Variants in ACTR1A observed in about 807,000 individuals in gnomAD.
ACTR1A encodes the protein actin related protein 1A, also known as alpha-centractin.
Under a neutral mutation model 50.7 loss-of-function variants are expected in ACTR1A, and 10 were observed. The observed-to-expected ratio is 0.20, with a 90% confidence interval of 0.12 to 0.33. The LOEUF (loss-of-function observed/expected upper bound fraction) is 0.33, where lower values mean the gene tolerates loss of function less well. Ranked by LOEUF, ACTR1A falls within the 10% of genes least tolerant of loss-of-function variation. The pLI, the probability that ACTR1A is intolerant of heterozygous loss-of-function variation, is 1.00. For synonymous variants in ACTR1A, 177 were observed against 184.2 expected, an observed-to-expected ratio of 0.96 and a Z score of 0.32; for missense variants, 253 against 491.7, an observed-to-expected ratio of 0.51 and a Z score of 4.59.
chr10:102,499,071 A>G (rs143179387), intron 1 of ACTR1A, among the ~76,000 whole-genome samples: 7 of 152,200 alleles, frequency 4.6e-5, no homozygotes, highest in African/African-American at 1.4e-4. Flanking sequence ...CGTGGTCACA[A>G]TTGTCTTATG....
At chr10:102,493,372 G>C (rs2062205006) in intron 1 of ACTR1A, among the ~76,000 whole-genome samples, 1 of 152,190 alleles carries the variant, frequency 6.6e-6, no homozygotes, top group African/African-American at 2.4e-5. Flanking sequence ...CCCGGCAGAG[G>C]TTAAAAACAA....
At chr10:102,490,848 C>T (rs2062188595) in intron 1 of ACTR1A, among the ~76,000 whole-genome samples, 1 of 152,000 alleles carries the variant, frequency 6.6e-6, no homozygotes, top group Non-Finnish European at 1.5e-5. Context: ...CAACAATTAG[C>T]TGGGCATGTT....
At position 102,485,190 on chromosome 10, in the gene ACTR1A, C is replaced by T. The variant is rs139020911; in HGVS notation, c.440+419G>A. On this transcript the variant is annotated intron_variant, in intron 5 of 10. Coordinates refer to ENST00000369905, the MANE Select transcript of ACTR1A (RefSeq NM_005736.4). ...TGGGGTAGGAGTGTGACAGGAGCCA[C>T]GGGGGATGGGAACAAGGACTGTGGT... Among the ~76,000 whole-genome samples, 25 of 152,012 alleles carry T rather than the reference C, an allele frequency of 1.6e-4. 1 individual carries two copies. The highest frequency in any genetic ancestry group is 5.6e-4 in the African/African-American group (23 of 41,330).
In ACTR1A at chr10:102,482,959, CCA is replaced by C; in HGVS notation, c.750+50_750+51del. 6.9e-7 allele frequency: 1 copy of C among 1,452,506 alleles called. No individual in the cohort carries two copies. Among genetic ancestry groups the C allele is most frequent in the South Asian group, 1.1e-5 (1 of 87,746 alleles). 90.0% of individuals were successfully genotyped at this position (1,452,506 alleles called of 1,614,324 possible). ...CCCTGATGGAGAATTCTGGTTGGGC[CCA>C]GAGCTTTTGTGGACCTAAGGGGACC... is the stretch of plus-strand genomic sequence containing the variant. On this transcript the variant is annotated intron_variant, in intron 7 of 10. Transcript: ENST00000369905. The surrounding 1 kb of genome is among the most constrained non-coding windows in gnomAD (Gnocchi z 5.6).
At chr10:102,502,098 A>G (rs1304238811) in intron 1 of ACTR1A, among the ~76,000 whole-genome samples, 3 of 152,172 alleles carry the variant, frequency 2.0e-5, no homozygotes, top group Admixed American at 6.5e-5. Context: ...CCCACCACCC[A>G]GAGTCCCGGA....
At chr10:102,499,626 C>A (rs912610907) in intron 1 of ACTR1A, among the ~76,000 whole-genome samples, 1 of 152,230 alleles carries the variant, frequency 6.6e-6, no homozygotes, top group African/African-American at 2.4e-5. Flanking sequence ...TCCTGCCTAG[C>A]AATTCAAGAA....
chr10:102,481,826 C>T lies in ACTR1A; in HGVS notation c.987+11G>A. 6.2e-7 allele frequency: 1 copy of T among 1,612,234 alleles called. No individual in the cohort carries two copies. Among genetic ancestry groups the T allele is most frequent in the South Asian group, 1.1e-5 (1 of 91,002 alleles). On this transcript the variant is annotated intron_variant, in intron 9 of 10. Transcript: ENST00000369905. ...TAGTTCCACCCAGGCCAGGCCCCAC[C>T]ATGCTCCTACCCTGATCTTCACATC...
At chr10:102,493,069 GCAGC>G (rs1432327722) in intron 1 of ACTR1A, among the ~76,000 whole-genome samples, 3 of 151,110 alleles carry the variant, frequency 2.0e-5, no homozygotes, top group Non-Finnish European at 4.4e-5. Context: ...GGAGAGCAGG[GCAGC>G]CAGTTCTCTA....
rs1370250172 is a variant in ACTR1A at position 102,480,895 on chromosome 10, C to T, written c.1099G>A (p.Gly367Ser). ...GTTTTTCTGTGGATGGATCGGGCAC[C>T]GTCTTCCTCATATTCCTTTTTGGAG... The part of the protein sequence containing the change: ...WVSKKEYEED[G>S]ARSIHRKTF Residue 367 changes from glycine to serine, a missense_variant, in exon 11 of 11, where the codon GGT (glycine) becomes AGT (serine). Gly to Ser is a moderately conservative substitution (Grantham distance 56). Coordinates refer to ENST00000369905, the MANE Select transcript of ACTR1A (RefSeq NM_005736.4). 6.2e-6 allele frequency: 10 copies of T among 1,614,036 alleles called. No individual in the cohort carries two copies. The highest frequency in any genetic ancestry group is 1.7e-5 in the Admixed American group (1 of 60,028).
rs556946694 is a variant in ACTR1A at position 102,500,664 on chromosome 10, T to G, written c.48+1936A>C. ...ATCCCAGCTACTTGGGAGTCTAGGCTGGAGAATCTCTTGAACCTGGAGGCG... is the reference window on the plus strand; with the variant it reads ...ATCCCAGCTACTTGGGAGTCTAGGCGGGAGAATCTCTTGAACCTGGAGGCG... On this transcript the variant is annotated intron_variant, in intron 1 of 10. Transcript: ENST00000369905. Among the ~76,000 whole-genome samples, 317 of 151,780 alleles carry G rather than the reference T, an allele frequency of 2.1e-3. 1 individual carries two copies. Among genetic ancestry groups the G allele is most frequent in the Non-Finnish European group, 3.4e-3 (232 of 67,934 alleles).
At position 102,484,249 on chromosome 10, in the gene ACTR1A, C is replaced by T. The variant is rs749276005; in HGVS notation, c.568G>A (p.Val190Ile). ...IMRIDIAGRDVSRFLRLYLRK... is the reference protein window; with the variant it reads ...IMRIDIAGRDISRFLRLYLRK... ...AGGTAGAGGCGCAGGAAGCGAGAGA[C>T]GTCCCGGCCCGCGATGTCGATGCGC... is the stretch of plus-strand genomic sequence containing the variant. The change falls in exon 6 of 11, where the codon GTC (valine) becomes ATC (isoleucine). Residue 190 changes from valine (V) to isoleucine (I), a missense_variant. Val to Ile is a conservative substitution (Grantham distance 29). This residue lies in a region of ACTR1A where 116 missense variants were observed against 155.9 expected (regional missense o/e 0.74). Coordinates refer to ENST00000369905, the MANE Select transcript of ACTR1A (RefSeq NM_005736.4). The T allele has an allele frequency of 3.1e-6, 5 of 1,614,082 alleles. No individual in the cohort carries two copies. The highest frequency in any genetic ancestry group is 2.7e-5 in the African/African-American group (2 of 74,916).
intron 1 of ACTR1A, 80 bp downstream of exon 1, chr10:102,502,520 G>GC (rs2062263589): frequency 6.6e-7 from 1 of 1,514,076 alleles, no homozygotes; most frequent in Non-Finnish European, 9.2e-7. Flanking sequence ...AGAGCCGGCG[G>GC]CTCAGGCTGA....
At position 102,501,134 on chromosome 10, in the gene ACTR1A, G is replaced by T. The variant is rs572824441; in HGVS notation, c.48+1466C>A. On this transcript the variant is annotated intron_variant, in intron 1 of 10. Transcript: ENST00000369905. The stretch of plus-strand genomic sequence containing the variant: ...GAGCTCAATCCTGCCCCTTTCTAAG[G>T]GGGAATAATAAAAACAAAATACCCA... 5.3e-5 allele frequency among the ~76,000 whole-genome samples: 8 copies of T among 151,566 alleles called. 1 individual carries two copies. The highest frequency in any genetic ancestry group is 1.9e-4 in the African/African-American group (8 of 41,342).
intron 4 of ACTR1A, among the ~76,000 whole-genome samples, chr10:102,487,379 A>G (rs940664390): frequency 1.6e-4 from 25 of 151,978 alleles, no homozygotes; most frequent in Non-Finnish European, 3.2e-4. Flanking sequence ...ACGCCATTGC[A>G]CTCCAGCCTG....
chr10:102,496,789 A>G (rs1459342562), intron 1 of ACTR1A, among the ~76,000 whole-genome samples: 20 of 152,236 alleles, frequency 1.3e-4, no homozygotes, highest in Admixed American at 1.3e-3. Context: ...TTTTTAGACA[A>G]TTAGTGAAAT....
chr10:102,495,428 G>C (rs1036374716), intron 1 of ACTR1A, among the ~76,000 whole-genome samples: 1 of 151,976 alleles, frequency 6.6e-6, no homozygotes, highest in African/African-American at 2.4e-5. Context: ...AATTAGCCGG[G>C]TGAAGTGGTG....
chr10:102,490,869 T>A (rs972788282), intron 1 of ACTR1A, among the ~76,000 whole-genome samples: 4 of 152,032 alleles, frequency 2.6e-5, no homozygotes, highest in African/African-American at 9.7e-5. Context: ...GGCAGGCACC[T>A]GTAGTTCCAG....
intron 1 of ACTR1A, among the ~76,000 whole-genome samples, chr10:102,500,138 A>T (rs1230607417): frequency 6.6e-6 from 1 of 152,198 alleles, no homozygotes; most frequent in Non-Finnish European, 1.5e-5. Flanking sequence ...ATCCTCTCAA[A>T]AATGAAGTAT....
Position 102,487,631 on chromosome 10 carries a change from CTT to C in ACTR1A, c.315+517_315+518del, listed in dbSNP as rs145832320. 1.3e-3 allele frequency among the ~76,000 whole-genome samples: 152 copies of C among 116,974 alleles called. 1 individual carries two copies. Among genetic ancestry groups the C allele is most frequent in the East Asian group, 6.1e-3 (26 of 4,256 alleles). The allele number at this position is 116,974 out of a possible 152,430, so 76.7% of individuals were successfully genotyped here. A position where few individuals can be genotyped will look rare whatever the true frequency, so the allele number is the denominator to read the frequency against. On this transcript the variant is annotated intron_variant, in intron 4 of 10. Transcript: ENST00000369905. ...ACCTTGGAAATACCACTTGGCTTTT[CTT>C]TTTTTTTTTTTTTTTTGGGACGGAG...
Sources: gnomAD v4.1 joint callset for allele counts (sites outside exome capture counted in the v4.1 genomes callset) on GRCh38, gnomAD v4.1.1 for gene constraint, gnomAD v4.1.1 regional missense constraint, Gnocchi (gnomAD v3.1) non-coding constraint, MANE v1.5 for transcripts, NCBI Gene and HGNC (gene_info 2026-07-23, HGNC 2026-07-21) for gene names.